MALT1: variants seen among roughly 807,000 people sequenced by gnomAD.
MALT1 encodes the protein mucosa-associated lymphoid tissue lymphoma translocation protein 1.
A neutral mutation model predicts 85.5 loss-of-function variants in MALT1; 36 were observed. The observed-to-expected ratio is 0.42, with a 90% CI of 0.32 to 0.56. The LOEUF (loss-of-function observed/expected upper bound fraction) is 0.56. Among genes scored for constraint, MALT1 ranks in the 20% least tolerant of loss-of-function variants. The probability of loss-of-function intolerance (pLI) is 0.10; values close to 1 mark genes in which losing one functional copy is unlikely to be tolerated. For missense variants in MALT1, 716 were observed against 981.6 expected, an observed-to-expected ratio of 0.73 and a Z score of 3.62; for synonymous variants, 359 against 361.3, an observed-to-expected ratio of 0.99 and a Z score of 0.07.
chr18:58,672,691 A>G (rs915077761), intron 1 of MALT1: 27 of 152,224 alleles, frequency 1.8e-4, no homozygotes, highest in Admixed American at 1.7e-3. Flanking sequence ...GTGGAAAAAC[A>G]AATTTTCCAA....
intron 2 of MALT1, among the ~76,000 whole-genome samples, chr18:58,685,336 G>C (rs187057707): frequency 7.4e-4 from 112 of 152,236 alleles, no homozygotes; most frequent in African/African-American, 2.4e-3. Flanking sequence ...GATTTATTTT[G>C]ATTAAACGAG....
At chr18:58,735,353 A>G in intron 13 of MALT1, 24 bp downstream of exon 13, 1 of 1,581,910 alleles carries the variant, frequency 6.3e-7, no homozygotes, top group Middle Eastern at 1.7e-4. Context: ...TAAAGAGAAA[A>G]GTACTCAGAA....
intron 1 of MALT1, among the ~76,000 whole-genome samples, chr18:58,676,159 C>T (rs908600986): frequency 3.9e-5 from 6 of 152,184 alleles, no homozygotes; most frequent in African/African-American, 1.4e-4. Flanking sequence ...GCTCCCACCC[C>T]AGTCTGTTAC....
intron 1 of MALT1, among the ~76,000 whole-genome samples, chr18:58,678,740 A>G (rs762106836): frequency 5.9e-5 from 9 of 152,338 alleles, no homozygotes; most frequent in Non-Finnish European, 8.8e-5. Context: ...AGAATGTGTG[A>G]TAGAGACTCT....
chr18:58,740,232 A>T (rs574472944), intron 13 of MALT1, among the ~76,000 whole-genome samples: 1 of 152,112 alleles, frequency 6.6e-6, no homozygotes, highest in East Asian at 1.9e-4. Context: ...TTCCTTTTTT[A>T]TTTATTGCCA....
At chr18:58,709,223 A>G (rs2054798285) in intron 4 of MALT1, among the ~76,000 whole-genome samples, 155 bp from the exon 5 acceptor site, 1 of 152,234 alleles carries the variant, frequency 6.6e-6, no homozygotes, top group South Asian at 2.1e-4. Context: ...ATATCTCGTA[A>G]TATTTCTATG....
intron 10 of MALT1, among the ~76,000 whole-genome samples, chr18:58,730,432 T>C (rs1379605065): frequency 6.6e-6 from 1 of 152,230 alleles, no homozygotes; most frequent in Non-Finnish European, 1.5e-5. Context: ...GTCTGCCTTC[T>C]TTCACTTCAC....
Position 58,751,574 on chromosome 18 carries a change from T to G in MALT1, c.*3732T>G, listed in dbSNP as rs1203566804. ...AAGAAGAATGATAACAGTTTTGGTC[T>G]TCTTTTTTATCAACCATGCTTTTAT... is the stretch of plus-strand genomic sequence containing the variant. On this transcript the variant is annotated 3_prime_UTR_variant, in exon 17 of 17. Coordinates refer to ENST00000649217, the MANE Select transcript of MALT1 (RefSeq NM_006785.4). 2 of 152,176 alleles carry G rather than the reference T, an allele frequency of 1.3e-5. No individual in the cohort carries two copies. The highest frequency in any genetic ancestry group is 6.6e-5 in the Admixed American group (1 of 15,260). 9.4% of individuals were successfully genotyped at this position (152,176 alleles called of 1,614,324 possible). A position where few individuals can be genotyped will look rare whatever the true frequency, so the allele number is the denominator to read the frequency against.
At chr18:58,698,075 G>GTT (rs1315560558) in intron 3 of MALT1, among the ~76,000 whole-genome samples, 8,274 of 92,768 alleles carry the variant, frequency 0.089, 919 homozygotes, top group African/African-American at 0.25. Context: ...TTGTTTTTTT[G>GTT]TTTTTTTTTT....
chr18:58,711,014 T>A, intron 7 of MALT1, 61 bp downstream of exon 7: 1 of 1,276,884 alleles, frequency 7.8e-7, no homozygotes, highest in South Asian at 1.4e-5. Flanking sequence ...TTGGGATTGG[T>A]GGAGTGCTTT....
At chr18:58,735,597 T>G (rs1463110737) in intron 13 of MALT1, among the ~76,000 whole-genome samples, 1 of 151,884 alleles carries the variant, frequency 6.6e-6, no homozygotes, top group Non-Finnish European at 1.5e-5. Context: ...CAGTCATTAA[T>G]AAAGTTGAAT....
At chr18:58,710,779 A>G (rs2054820831) in intron 6 of MALT1, 142 bp from the exon 7 acceptor site, 3 of 596,938 alleles carry the variant, frequency 5.0e-6, no homozygotes, top group African/African-American at 2.0e-5. Flanking sequence ...ATTTATAGTT[A>G]TATTGTTCAT....
intron 4 of MALT1, 135 bp from the exon 5 acceptor site, chr18:58,709,243 G>T: frequency 1.7e-6 from 1 of 572,774 alleles, no homozygotes; most frequent in South Asian, 3.2e-5. Flanking sequence ...GAGTGCTATA[G>T]TTTTTTTAAA....
intron 4 of MALT1, among the ~76,000 whole-genome samples, chr18:58,702,045 A>G (rs953950165): frequency 1.3e-5 from 2 of 152,124 alleles, no homozygotes; most frequent in African/African-American, 4.8e-5. Context: ...AGGATTCTTG[A>G]TATCTAGAAC....
At chr18:58,742,047 A>G (rs751939084) in intron 14 of MALT1, 33 bp downstream of exon 14, 1 of 1,430,400 alleles carries the variant, frequency 7.0e-7, no homozygotes, top group Non-Finnish European at 9.4e-7. Context: ...TTAGATCTAC[A>G]ATATACTTAA....
chr18:58,719,136 C>T (rs567027651), intron 9 of MALT1, among the ~76,000 whole-genome samples: 2 of 152,286 alleles, frequency 1.3e-5, no homozygotes, highest in South Asian at 4.1e-4. Flanking sequence ...TTTATTATCT[C>T]TCATTGTTCT....
chr18:58,705,049 A>G (rs2054726250), intron 4 of MALT1, among the ~76,000 whole-genome samples: 1 of 152,100 alleles, frequency 6.6e-6, no homozygotes, highest in African/African-American at 2.4e-5. Flanking sequence ...CCGGCCAAAA[A>G]AGCATTTTTT....
Position 58,748,338 on chromosome 18 carries a change from T to C in MALT1, c.*496T>C, listed in dbSNP as rs564510581. On this transcript the variant is annotated 3_prime_UTR_variant, in exon 17 of 17. Transcript: ENST00000649217. ...ACTACACAACTGCCTTCCTGACAGG[T>C]TCTGAGATAAGTGTTATGTTTGTAG... 24 of 198,664 alleles carry C rather than the reference T, an allele frequency of 1.2e-4. No individual in the cohort carries two copies. The highest frequency in any genetic ancestry group is 1.7e-3 in the Middle Eastern group (1 of 576). The allele number at this position is 198,664 out of a possible 1,614,324, so 12.3% of individuals were successfully genotyped here.
chr18:58,730,800 G>T (rs184014946), intron 10 of MALT1, among the ~76,000 whole-genome samples: 1 of 152,276 alleles, frequency 6.6e-6, no homozygotes, highest in Non-Finnish European at 1.5e-5. Flanking sequence ...ACTTGTTCTT[G>T]TCTGTCTTTT....
Sources: gnomAD v4.1 joint callset for allele counts (sites outside exome capture counted in the v4.1 genomes callset) on GRCh38, gnomAD v4.1.1 for gene constraint, MANE v1.5 for transcripts, NCBI Gene and HGNC (gene_info 2026-07-23, HGNC 2026-07-21) for gene names.